PHACTR1: variants seen among roughly 807,000 people sequenced by gnomAD.
PHACTR1 encodes RPEL repeat containing 1.
PHACTR1 carries 16 observed loss-of-function variants against 69.2 expected under a neutral mutation model. The ratio of observed to expected loss-of-function variants is 0.23; its 90% CI spans 0.16 to 0.35. The LOEUF (loss-of-function observed/expected upper bound fraction) is 0.35. PHACTR1 is among the 10% of genes least tolerant of loss of function. The pLI is 1.00. For synonymous variants in PHACTR1, 312 were observed against 284.5 expected, an observed-to-expected ratio of 1.10 and a Z score of -0.97; for missense variants, 510 against 734.7, an observed-to-expected ratio of 0.69 and a Z score of 3.54.
At chr6:12,875,982 G>A (rs1292478627) in intron 4 of PHACTR1, among the ~76,000 whole-genome samples, 2 of 152,186 alleles carry the variant, frequency 1.3e-5, no homozygotes, top group African/African-American at 2.4e-5. Flanking sequence ...TTAGGAACAC[G>A]AATGGGAAGA....
chr6:13,020,258 C>T lies in PHACTR1; in HGVS notation c.251-33107C>T, dbSNP rs117005228. On this transcript the variant is annotated intron_variant, in intron 4 of 14. Transcript: ENST00000332995. ...AATCAGCCAGAAGGTTAGCAGTAGA[C>T]CATTCAAGAGAAGTTATATGATGAT... is the stretch of plus-strand genomic sequence containing the variant. Among the ~76,000 whole-genome samples the T allele has an allele frequency of 3.2e-4, 48 of 152,302 alleles. No homozygotes were observed. In the East Asian group the frequency reaches 8.3e-3, roughly 26 times the overall value.
intron 4 of PHACTR1, among the ~76,000 whole-genome samples, chr6:12,787,753 A>G (rs1335524037): frequency 6.6e-6 from 1 of 152,212 alleles, no homozygotes; most frequent in Non-Finnish European, 1.5e-5. Flanking sequence ...CCAGCCTCTC[A>G]GGATGAGTAC....
intron 4 of PHACTR1, among the ~76,000 whole-genome samples, chr6:13,030,224 T>TG (rs397811065): frequency 1.3e-5 from 2 of 151,876 alleles, no homozygotes; most frequent in Non-Finnish European, 2.9e-5. Flanking sequence ...AACAGACGTT[T>TG]TATTTGCACT....
intron 4 of PHACTR1, among the ~76,000 whole-genome samples, chr6:13,008,440 A>G (rs540863949): frequency 3.9e-5 from 6 of 152,300 alleles, no homozygotes; most frequent in East Asian, 3.9e-4. Flanking sequence ...TAAATTTCCT[A>G]AGGAATTTTC....
intron 11 of PHACTR1, chr6:13,274,316 G>A (rs1778431445): frequency 6.6e-6 from 1 of 152,110 alleles, no homozygotes; most frequent in Non-Finnish European, 1.5e-5. Context: ...CTGCCCAAGG[G>A]GTACCCTTTA....
intron 4 of PHACTR1, among the ~76,000 whole-genome samples, chr6:12,913,175 G>A (rs1786596531): frequency 6.6e-6 from 1 of 152,184 alleles, no homozygotes; most frequent in African/African-American, 2.4e-5. Flanking sequence ...CACAAAGGAT[G>A]ATGTCTCCTT....
intron 4 of PHACTR1, among the ~76,000 whole-genome samples, chr6:12,871,281 C>T (rs1199422322): frequency 6.6e-6 from 1 of 152,202 alleles, no homozygotes; most frequent in African/African-American, 2.4e-5. Flanking sequence ...ATTCACTAGA[C>T]ATTTACAAGT....
intron 6 of PHACTR1, among the ~76,000 whole-genome samples, chr6:13,167,693 T>C (rs1760013303): frequency 6.6e-6 from 1 of 152,192 alleles, no homozygotes; most frequent in Non-Finnish European, 1.5e-5. Context: ...TGCTGGAAAT[T>C]AGAGATAACA....
Position 13,222,872 on chromosome 6 carries a change from C to T in PHACTR1, c.987-4944C>T, listed in dbSNP as rs114599853. ...CCCAAAATGTCAGTCATGCCTGTGT[C>T]GAAAAAGCCTGGTCTAGAGCAACAT... On this transcript the variant is annotated intron_variant, in intron 8 of 14. Transcript: ENST00000332995. 4.6e-3 allele frequency among the ~76,000 whole-genome samples: 707 copies of T among 152,188 alleles called. 9 individuals are homozygous for T. Among genetic ancestry groups the T allele is most frequent in the African/African-American group, 0.016 (683 of 41,518 alleles).
intron 4 of PHACTR1, among the ~76,000 whole-genome samples, chr6:12,819,254 C>T (rs1205483578): frequency 2.0e-5 from 3 of 152,124 alleles, no homozygotes; most frequent in Non-Finnish European, 4.4e-5. Flanking sequence ...AGATAATGGG[C>T]ATTATGTAAT....
intron 4 of PHACTR1, chr6:12,957,677 T>C (rs1792071372): frequency 9.1e-6 from 9 of 985,378 alleles, no homozygotes; most frequent in African/African-American, 1.7e-5. Flanking sequence ...GGAGAGACCA[T>C]CGTGGAGGCG....
At position 13,283,743 on chromosome 6, in the gene PHACTR1, TG is replaced by T. The variant is rs1291351701; in HGVS notation, c.1650+182del. ...CACAGATAATCTGCGGAAAGGCTGC[TG>T]AATCGGAGAAAACACAAGGCACATA... On this transcript the variant is annotated intron_variant, in intron 13 of 14. Transcript: ENST00000332995. This position sits in a 1 kb window ranked among gnomAD's most constrained non-coding sequence, Gnocchi z 4.7. The T allele has an allele frequency of 1.2e-6, 1 of 852,218 alleles. No individual in the cohort carries two copies. The highest frequency in any genetic ancestry group is 1.8e-6 in the Non-Finnish European group (1 of 552,982). The allele number at this position is 852,218 out of a possible 1,614,324, so 52.8% of individuals were successfully genotyped here.
intron 4 of PHACTR1, chr6:12,933,602 C>T: frequency 6.2e-7 from 1 of 1,610,944 alleles, no homozygotes; most frequent in South Asian, 1.1e-5. Flanking sequence ...GGGCTCACAC[C>T]TTAATGTCTT....
chr6:12,756,022 C>T (rs1426226021), intron 4 of PHACTR1, among the ~76,000 whole-genome samples: 2 of 152,184 alleles, frequency 1.3e-5, no homozygotes, highest in African/African-American at 4.8e-5. Context: ...GGTTCATCAC[C>T]TACCAGTCAT....
chr6:13,090,882 G>A (rs1473057264), intron 5 of PHACTR1, among the ~76,000 whole-genome samples: 2 of 152,108 alleles, frequency 1.3e-5, no homozygotes, highest in Non-Finnish European at 2.9e-5. Context: ...GATGATTTAA[G>A]CACATTACAT....
rs9463447 is a variant in PHACTR1 at position 13,113,787 on chromosome 6, A to C, written c.416-46417A>C. ...TAGGAAGTCAAGAAAACTATTTTACAATTATGAGGACTGGAAAGGAAGGAA... is the reference window on the plus strand; with the variant it reads ...TAGGAAGTCAAGAAAACTATTTTACCATTATGAGGACTGGAAAGGAAGGAA... On this transcript the variant is annotated intron_variant, in intron 5 of 14. Coordinates refer to ENST00000332995, the MANE Select transcript of PHACTR1 (RefSeq NM_030948.6). Among the ~76,000 whole-genome samples the C allele has an allele frequency of 7.5e-3, 1,143 of 152,256 alleles. 12 individuals carry two copies. Among genetic ancestry groups the C allele is most frequent in the African/African-American group, 0.026 (1,082 of 41,528 alleles).
chr6:12,909,382 G>A (rs566866429), intron 4 of PHACTR1, among the ~76,000 whole-genome samples: 1 of 152,164 alleles, frequency 6.6e-6, no homozygotes, highest in Non-Finnish European at 1.5e-5. Context: ...CAGGCTATTA[G>A]GAACTATTGT....
In PHACTR1 at chr6:13,287,571, G is replaced by A. The variant is rs998628170; in HGVS notation, c.*493G>A. Reference sequence around the variant, plus strand: ...TGTACTGGCTCCAGACATGACATTTGGTTTGGGGGCCCTTTGAAGTTGATG... The same window carrying A: ...TGTACTGGCTCCAGACATGACATTTAGTTTGGGGGCCCTTTGAAGTTGATG... On this transcript the variant is annotated 3_prime_UTR_variant, in exon 15 of 15. Transcript: ENST00000332995. 1 of 153,926 alleles carries A rather than the reference G, an allele frequency of 6.5e-6. No individual in the cohort carries two copies. Among genetic ancestry groups the A allele is most frequent in the Non-Finnish European group, 1.4e-5 (1 of 69,194 alleles). The allele number at this position is 153,926 out of a possible 1,614,324, so 9.5% of individuals were successfully genotyped here.
chr6:13,251,023 AATC>A (rs1158180656), intron 10 of PHACTR1, among the ~76,000 whole-genome samples: 1 of 151,972 alleles, frequency 6.6e-6, no homozygotes, highest in Non-Finnish European at 1.5e-5. Flanking sequence ...ACACACAATC[AATC>A]TTCTGATCAG....
Sources: allele counts gnomAD v4.1 joint callset (sites outside exome capture counted in the v4.1 genomes callset), GRCh38; gene constraint gnomAD v4.1.1; non-coding constraint Gnocchi (gnomAD v3.1); transcripts MANE v1.5; gene names NCBI Gene and HGNC (gene_info 2026-07-23, HGNC 2026-07-21).